Variants in HHAT observed in about 807,000 individuals in gnomAD.
HHAT encodes the protein protein-cysteine N-palmitoyltransferase HHAT.
Under a neutral mutation model 70.8 loss-of-function variants are expected in HHAT, and 47 were observed. The ratio of observed to expected loss-of-function variants is 0.66; its 90% confidence interval spans 0.53 to 0.85. The LOEUF (loss-of-function observed/expected upper bound fraction) is 0.85, where lower values mean the gene tolerates loss of function less well. Ranked by LOEUF, HHAT falls within the 40% of genes least tolerant of loss-of-function variation. HHAT has a pLI of 0.00. For synonymous variants in HHAT, 228 were observed against 247.6 expected (o/e 0.92, Z 0.74); for missense variants, 609 against 604.8 (o/e 1.01, Z -0.07).
At chr1:210,442,622 T>C (rs1214541998) in intron 7 of HHAT, among the ~76,000 whole-genome samples, 1 of 152,238 alleles carries the variant, frequency 6.6e-6, no homozygotes, top group Non-Finnish European at 1.5e-5. Context: ...CATTTTTTCA[T>C]GTGTTTTTCG....
At chr1:210,331,918 G>A (rs1012355470) in intron 1 of HHAT, among the ~76,000 whole-genome samples, 2 of 152,152 alleles carry the variant, frequency 1.3e-5, no homozygotes, top group African/African-American at 4.8e-5. Context: ...CTCTGGAGTG[G>A]CCCTCATAAC....
Position 210,675,200 on chromosome 1 carries a change from C to T in HHAT, c.*821C>T, listed in dbSNP as rs1476762129. On this transcript the variant is annotated 3_prime_UTR_variant, in exon 12 of 12. Coordinates refer to ENST00000261458, the MANE Select transcript of HHAT (RefSeq NM_018194.6). ...ATGGTGTCCTGGAGTCTTGTCCACC[C>T]TCTCCATACAAGTCTCAAAAGTCAT... is the stretch of plus-strand genomic sequence containing the variant. The T allele has an allele frequency of 1.3e-5, 2 of 152,184 alleles. No individual in the cohort carries two copies. The highest frequency in any genetic ancestry group is 6.5e-5 in the Admixed American group (1 of 15,284). The allele number at this position is 152,184 out of a possible 1,614,324, so 9.4% of individuals were successfully genotyped here.
chr1:210,377,101 G>A (rs533204277), intron 3 of HHAT, among the ~76,000 whole-genome samples: 108 of 152,296 alleles, frequency 7.1e-4, no homozygotes, highest in South Asian at 2.9e-3. Context: ...AGGGGCTGTG[G>A]CCCCCAACAG....
intron 4 of HHAT, among the ~76,000 whole-genome samples, chr1:210,389,233 G>T (rs2091287970): frequency 6.6e-6 from 1 of 152,170 alleles, no homozygotes; most frequent in Non-Finnish European, 1.5e-5. Flanking sequence ...TGAAGAAAAG[G>T]AATTTATACA....
At chr1:210,579,731 G>T (rs1275970381) in intron 9 of HHAT, among the ~76,000 whole-genome samples, 1 of 152,194 alleles carries the variant, frequency 6.6e-6, no homozygotes, top group Non-Finnish European at 1.5e-5. Flanking sequence ...GCTCTTTCTT[G>T]TCCCATACTT....
intron 8 of HHAT, among the ~76,000 whole-genome samples, chr1:210,506,118 A>G (rs1247481205): frequency 6.6e-6 from 1 of 152,212 alleles, no homozygotes; most frequent in African/African-American, 2.4e-5. Flanking sequence ...TCTGTGAGTA[A>G]GCATATGGGC....
chr1:210,503,578 A>T (rs2094798751), intron 8 of HHAT, among the ~76,000 whole-genome samples: 1 of 152,160 alleles, frequency 6.6e-6, no homozygotes, highest in African/African-American at 2.4e-5. Context: ...TTTCCCCCAA[A>T]TGAACAAACA....
intron 11 of HHAT, among the ~76,000 whole-genome samples, chr1:210,657,839 C>A (rs1270793983): frequency 6.6e-6 from 1 of 152,176 alleles, no homozygotes; most frequent in Non-Finnish European, 1.5e-5. Context: ...TTCTCCCAGG[C>A]ACTTCCACAA....
chr1:210,402,741 A>G (rs1036616786), intron 5 of HHAT, among the ~76,000 whole-genome samples: 4 of 152,182 alleles, frequency 2.6e-5, no homozygotes, highest in African/African-American at 9.7e-5. Flanking sequence ...AGTGTTGGGT[A>G]TTCTTTCTTC....
intron 9 of HHAT, among the ~76,000 whole-genome samples, chr1:210,551,679 G>A (rs776063682): frequency 2.0e-5 from 3 of 152,164 alleles, no homozygotes; most frequent in Non-Finnish European, 4.4e-5. Flanking sequence ...ATTTTAAGCT[G>A]TAAATTTCTT....
intron 4 of HHAT, among the ~76,000 whole-genome samples, chr1:210,396,234 G>A (rs888359550): frequency 1.6e-4 from 25 of 152,124 alleles, no homozygotes; most frequent in Non-Finnish European, 3.2e-4. Context: ...ATTAGAAATG[G>A]AAGAACCTGG....
chr1:210,617,010 G>A (rs1411174718), intron 10 of HHAT, among the ~76,000 whole-genome samples: 1 of 152,222 alleles, frequency 6.6e-6, no homozygotes, highest in Non-Finnish European at 1.5e-5. Flanking sequence ...AATGCCAATT[G>A]TGAATTAGGT....
At chr1:210,377,053 A>T (rs1331372327) in intron 3 of HHAT, among the ~76,000 whole-genome samples, 1 of 152,220 alleles carries the variant, frequency 6.6e-6, no homozygotes, top group Non-Finnish European at 1.5e-5. Context: ...AAGACTTCCT[A>T]AGTATAAAGT....
intron 11 of HHAT, among the ~76,000 whole-genome samples, chr1:210,649,038 G>C (rs1463476290): frequency 2.0e-5 from 3 of 152,112 alleles, no homozygotes; most frequent in African/African-American, 7.2e-5. Flanking sequence ...AACCCAATTG[G>C]TATATATGAA....
At chr1:210,501,137 T>A (rs181020367) in intron 8 of HHAT, among the ~76,000 whole-genome samples, 2 of 152,364 alleles carry the variant, frequency 1.3e-5, no homozygotes, top group African/African-American at 2.4e-5. Flanking sequence ...CCAGACTGAA[T>A]GCTGGAGGAC....
intron 11 of HHAT, among the ~76,000 whole-genome samples, chr1:210,669,917 G>C (rs1369651733): frequency 1.3e-5 from 2 of 152,114 alleles, no homozygotes; most frequent in African/African-American, 4.8e-5. Context: ...GGAAGAATGG[G>C]GTTGGCATAA....
intron 11 of HHAT, among the ~76,000 whole-genome samples, chr1:210,641,749 G>C (rs761354131): frequency 1.3e-5 from 2 of 152,130 alleles, no homozygotes; most frequent in African/African-American, 4.8e-5. Context: ...GCACATACGC[G>C]TACCTCATAT....
chr1:210,614,509 C>G (rs1031272646), intron 10 of HHAT, among the ~76,000 whole-genome samples: 1 of 151,972 alleles, frequency 6.6e-6, no homozygotes, highest in Non-Finnish European at 1.5e-5. Flanking sequence ...TGTGCTGCAC[C>G]CATTAACTCA....
intron 1 of HHAT, among the ~76,000 whole-genome samples, chr1:210,330,912 G>C (rs903468697): frequency 6.6e-6 from 1 of 152,120 alleles, no homozygotes; most frequent in Non-Finnish European, 1.5e-5. Flanking sequence ...TCCACCTCTG[G>C]GGATCAAGCA....
Sources: allele counts gnomAD v4.1 joint callset (sites outside exome capture counted in the v4.1 genomes callset), GRCh38; gene constraint gnomAD v4.1.1; transcripts MANE v1.5; gene names NCBI Gene and HGNC (gene_info 2026-07-23, HGNC 2026-07-21).